Variants in USP46 observed in about 807,000 individuals in gnomAD.
USP46 encodes the protein ubiquitin specific peptidase 46.
USP46 carries 12 observed loss-of-function variants against 44.4 expected under a neutral mutation model. That is an observed-to-expected ratio of 0.27 (90% CI 0.17 to 0.44). USP46 has a LOEUF of 0.44. Ranked by LOEUF, USP46 falls within the 20% of genes least tolerant of loss-of-function variation. The pLI, the probability that USP46 is intolerant of heterozygous loss-of-function variation, is 1.00. For synonymous variants in USP46, 155 were observed against 161.5 expected, an observed-to-expected ratio of 0.96 and a Z score of 0.31; for missense variants, 248 against 444.8, an observed-to-expected ratio of 0.56 and a Z score of 3.98.
chr4:52,651,210 CA>C (rs973227670), intron 1 of USP46: 2 of 151,656 alleles, frequency 1.3e-5, no homozygotes, highest in African/African-American at 4.8e-5. Context: ...ATTTCTTAAG[CA>C]ATATTTTTTA....
At chr4:52,630,140 G>A (rs925855282) in intron 2 of USP46, among the ~76,000 whole-genome samples, 3 of 152,282 alleles carry the variant, frequency 2.0e-5, no homozygotes, top group East Asian at 3.9e-4. Flanking sequence ...GAAAGCTCAC[G>A]AGGATGGAGG....
At chr4:52,651,910 C>T (rs553827590) in intron 1 of USP46, among the ~76,000 whole-genome samples, 1 of 152,264 alleles carries the variant, frequency 6.6e-6, no homozygotes, top group African/African-American at 2.4e-5. Context: ...AGTTTTCACC[C>T]CTCCACAGTG....
chr4:52,611,485 G>T (rs987698671), intron 4 of USP46, among the ~76,000 whole-genome samples: 3 of 152,190 alleles, frequency 2.0e-5, no homozygotes, highest in African/African-American at 7.2e-5. Context: ...GCAGCAAAAT[G>T]AAAACAACAT....
At chr4:52,645,803 G>C (rs190218181) in intron 1 of USP46, among the ~76,000 whole-genome samples, 1 of 152,270 alleles carries the variant, frequency 6.6e-6, no homozygotes, top group East Asian at 1.9e-4. Flanking sequence ...CTAGGGGCCT[G>C]GTGGGAGGTG....
At chr4:52,646,495 G>A (rs1184284850) in intron 1 of USP46, among the ~76,000 whole-genome samples, 1 of 152,166 alleles carries the variant, frequency 6.6e-6, no homozygotes, top group African/African-American at 2.4e-5. Flanking sequence ...TCTGTGGTGA[G>A]CTACATCCAG....
At chr4:52,657,137 T>C (rs1283453819) in intron 1 of USP46, among the ~76,000 whole-genome samples, 1 of 150,250 alleles carries the variant, frequency 6.7e-6, no homozygotes, top group East Asian at 2.0e-4. Flanking sequence ...GGCGTCTAAA[T>C]ACAACATCAG....
At chr4:52,651,575 A>G (rs1050009763) in intron 1 of USP46, among the ~76,000 whole-genome samples, 1 of 152,214 alleles carries the variant, frequency 6.6e-6, no homozygotes, top group African/African-American at 2.4e-5. Context: ...TATATATTCA[A>G]GCAGATCCAG....
chr4:52,602,884 T>C (rs113268619), intron 6 of USP46, among the ~76,000 whole-genome samples: 35 of 152,354 alleles, frequency 2.3e-4, no homozygotes, highest in African/African-American at 7.7e-4. Context: ...ACCATTAACA[T>C]TTCTCAGTAA....
chr4:52,604,678 T>C (rs568449044), intron 5 of USP46, 94 bp from the exon 6 acceptor site: 1 of 786,600 alleles, frequency 1.3e-6, no homozygotes, highest in Non-Finnish European at 1.9e-6. Flanking sequence ...GGGTAATTTT[T>C]AAGTAAAAAT....
At chr4:52,638,836 T>C (rs542131313) in intron 1 of USP46, among the ~76,000 whole-genome samples, 209 of 152,080 alleles carry the variant, frequency 1.4e-3, no homozygotes, top group Middle Eastern at 0.014. Context: ...TCCATGTGCA[T>C]GATAATTTGG....
chr4:52,610,402 G>T, intron 5 of USP46, 139 bp downstream of exon 5: 1 of 733,238 alleles, frequency 1.4e-6, no homozygotes, highest in Non-Finnish European at 2.2e-6. Context: ...AATCGCTCTT[G>T]GGAAAGGAGA....
chr4:52,597,897 A>C (rs1716308187), intron 8 of USP46, among the ~76,000 whole-genome samples, 156 bp from the exon 9 acceptor site: 1 of 152,254 alleles, frequency 6.6e-6, no homozygotes, highest in South Asian at 2.1e-4. Context: ...AATTCCACAG[A>C]CTTGGCTAAA....
At chr4:52,631,215 G>T in intron 1 of USP46, 71 bp from the exon 2 acceptor site, 1 of 1,201,842 alleles carries the variant, frequency 8.3e-7, no homozygotes, top group Non-Finnish European at 1.2e-6. Flanking sequence ...ACCTAAAAGA[G>T]TCTACTATTG....
chr4:52,658,369 T>G, intron 1 of USP46: 1 of 431,124 alleles, frequency 2.3e-6, no homozygotes, highest in Non-Finnish European at 4.7e-6. Context: ...CCCAGTGATG[T>G]CCCTGGCTGT....
Position 52,597,526 on chromosome 4 carries a change from G to T in USP46, c.*114C>A. The T allele has an allele frequency of 1.4e-6, 1 of 707,568 alleles. No homozygotes were observed. Among genetic ancestry groups the T allele is most frequent in the Non-Finnish European group, 2.5e-6 (1 of 404,658 alleles). 43.8% of individuals were successfully genotyped at this position (707,568 alleles called of 1,614,324 possible). A position where few individuals can be genotyped will look rare whatever the true frequency, so the allele number is the denominator to read the frequency against. ...GAGTCTAACACAGCCAGACCATTGA[G>T]ACTCGGAGTGATACCATTAGTGGGC... On this transcript the variant is annotated 3_prime_UTR_variant, in exon 9 of 9. Transcript: ENST00000441222.
chr4:52,647,525 C>T (rs1718590402), intron 1 of USP46, among the ~76,000 whole-genome samples: 2 of 152,218 alleles, frequency 1.3e-5, no homozygotes, highest in South Asian at 4.1e-4. Flanking sequence ...TGCCAAATGA[C>T]ACAAAAGAGT....
intron 5 of USP46, among the ~76,000 whole-genome samples, chr4:52,609,359 A>G (rs1183503048): frequency 6.6e-6 from 1 of 152,246 alleles, no homozygotes; most frequent in Non-Finnish European, 1.5e-5. Context: ...CAGACATAAC[A>G]TTAGAGAAGA....
chr4:52,624,111 G>A (rs1049839373), intron 4 of USP46, among the ~76,000 whole-genome samples: 1 of 151,824 alleles, frequency 6.6e-6, no homozygotes, highest in Non-Finnish European at 1.5e-5. Flanking sequence ...GGGTTGGGGG[G>A]TTGGCGGGGA....
intron 5 of USP46, among the ~76,000 whole-genome samples, chr4:52,608,966 C>T (rs1716809383): frequency 6.6e-6 from 1 of 152,106 alleles, no homozygotes; most frequent in South Asian, 2.1e-4. Context: ...ACCAAAAAGG[C>T]CATGCAAGGA....
Sources: gnomAD v4.1 joint callset for allele counts (sites outside exome capture counted in the v4.1 genomes callset) on GRCh38, gnomAD v4.1.1 for gene constraint, MANE v1.5 for transcripts, NCBI Gene and HGNC (gene_info 2026-07-23, HGNC 2026-07-21) for gene names.